The following CTNND2 variants were observed in gnomAD, a reference collection of about 807,000 sequenced individuals.
CTNND2 encodes the protein catenin delta 2.
A neutral mutation model predicts 144.4 loss-of-function variants in CTNND2; 22 were observed. That is an observed-to-expected ratio of 0.15 (90% CI 0.11 to 0.22). The LOEUF is 0.22. Among genes scored for constraint, CTNND2 ranks in the 10% least tolerant of loss-of-function variants. The pLI, the probability that CTNND2 is intolerant of heterozygous loss-of-function variation, is 1.00. For missense variants in CTNND2, 1,353 were observed against 1,618.8 expected (o/e 0.84, Z 2.82); for synonymous variants, 751 against 695.6 (o/e 1.08, Z -1.25).
rs146246283 is a variant in CTNND2 at position 11,367,846 on chromosome 5, T to C, written c.1178-2956A>G. Among the ~76,000 whole-genome samples the C allele has an allele frequency of 3.2e-3, 481 of 152,342 alleles. 2 individuals are homozygous for C. Among genetic ancestry groups the C allele is most frequent in the African/African-American group, 0.011 (457 of 41,580 alleles). On this transcript the variant is annotated intron_variant, in intron 7 of 21. Coordinates refer to ENST00000304623, the MANE Select transcript of CTNND2 (RefSeq NM_001332.4). ...CCACAGACCAGACCAACTTTCCTGA[T>C]GGTTTCCCCTGCCATGACAGACATA...
intron 3 of CTNND2, among the ~76,000 whole-genome samples, chr5:11,428,785 T>C (rs971749978): frequency 2.0e-5 from 3 of 152,202 alleles, no homozygotes; most frequent in African/African-American, 7.2e-5. Flanking sequence ...ACTTTCATCA[T>C]AAAGCATCAC....
chr5:11,489,163 C>T (rs918712214), intron 3 of CTNND2, among the ~76,000 whole-genome samples: 3 of 152,144 alleles, frequency 2.0e-5, no homozygotes, highest in African/African-American at 4.8e-5. Flanking sequence ...TGCATTCCCT[C>T]GAGCCATGTA....
At chr5:11,811,172 G>T (rs1202520993) in intron 1 of CTNND2, among the ~76,000 whole-genome samples, 5 of 152,168 alleles carry the variant, frequency 3.3e-5, no homozygotes, top group Non-Finnish European at 5.9e-5. Context: ...GGAATTGACT[G>T]CACTGCTAAG....
At chr5:11,382,595 CTGTGTGTGTG>C (rs71582432) in intron 7 of CTNND2, among the ~76,000 whole-genome samples, 3,185 of 130,204 alleles carry the variant, frequency 0.024, 67 homozygotes, top group East Asian at 0.052. Flanking sequence ...GAGTGAGACT[CTGTGTGTGTG>C]TGTGTGTGTG....
chr5:11,241,939 G>A lies in CTNND2; in HGVS notation c.1629-5116C>T, dbSNP rs185856768. Among the ~76,000 whole-genome samples, 212 of 151,878 alleles carry A rather than the reference G, an allele frequency of 1.4e-3. 2 individuals are homozygous for A. The highest frequency in any genetic ancestry group is 4.8e-3 in the African/African-American group (199 of 41,410). ...GTGGAGTCACCGGGGGTGGGGGGTC[G>A]GTTATTTGGGAAAGGGGAGCCATTC... On this transcript the variant is annotated intron_variant, in intron 9 of 21. Coordinates refer to ENST00000304623, the MANE Select transcript of CTNND2 (RefSeq NM_001332.4).
chr5:11,826,502 A>G (rs1793605715), intron 1 of CTNND2, among the ~76,000 whole-genome samples: 1 of 152,058 alleles, frequency 6.6e-6, no homozygotes, highest in African/African-American at 2.4e-5. Context: ...AACCCAAAAT[A>G]CAATAATCAC....
At chr5:11,512,552 G>T (rs751443140) in intron 3 of CTNND2, among the ~76,000 whole-genome samples, 2 of 152,220 alleles carry the variant, frequency 1.3e-5, no homozygotes, top group African/African-American at 4.8e-5. Context: ...TACATGGACT[G>T]AAAGTCACCA....
intron 1 of CTNND2, among the ~76,000 whole-genome samples, chr5:11,849,425 A>G (rs1045200509): frequency 3.3e-5 from 5 of 152,166 alleles, no homozygotes; most frequent in Non-Finnish European, 7.4e-5. Context: ...GTGGGGACGG[A>G]GCAAACCTCT....
At chr5:11,233,980 T>C (rs991880679) in intron 10 of CTNND2, among the ~76,000 whole-genome samples, 9 of 152,064 alleles carry the variant, frequency 5.9e-5, no homozygotes, top group African/African-American at 2.2e-4. Context: ...CCTGGGAACA[T>C]TATCATGGGG....
At chr5:11,107,344 T>C (rs943793271) in intron 14 of CTNND2, among the ~76,000 whole-genome samples, 1 of 152,236 alleles carries the variant, frequency 6.6e-6, no homozygotes, top group Admixed American at 6.5e-5. Flanking sequence ...GTGGTCATTT[T>C]AACTACTAAT....
intron 13 of CTNND2, among the ~76,000 whole-genome samples, chr5:11,111,846 A>T (rs979933861): frequency 3.3e-5 from 5 of 151,206 alleles, no homozygotes; most frequent in African/African-American, 1.2e-4. Context: ...CAGAAGGTCT[A>T]CATTTTTTTT....
At chr5:11,270,463 C>A (rs1475586933) in intron 9 of CTNND2, among the ~76,000 whole-genome samples, 10 of 131,230 alleles carry the variant, frequency 7.6e-5, no homozygotes, top group Non-Finnish European at 5.0e-5. Context: ...CAAAGGAAAA[C>A]AATGTGGTAA....
chr5:11,895,555 C>A (rs1282131990), intron 1 of CTNND2, among the ~76,000 whole-genome samples: 3 of 152,144 alleles, frequency 2.0e-5, no homozygotes, highest in Admixed American at 1.3e-4. Context: ...TGCTCCACTG[C>A]TGTATTTACT....
At chr5:11,139,282 A>C (rs1043995036) in intron 12 of CTNND2, among the ~76,000 whole-genome samples, 5 of 152,330 alleles carry the variant, frequency 3.3e-5, no homozygotes, top group African/African-American at 1.2e-4. Flanking sequence ...TTGATCTGGA[A>C]ACCAAAAGAG....
chr5:10,976,015 A>G (rs990058750), intron 21 of CTNND2, among the ~76,000 whole-genome samples: 3 of 152,194 alleles, frequency 2.0e-5, no homozygotes, highest in Non-Finnish European at 2.9e-5. Flanking sequence ...ATCCCACACC[A>G]ATCACTTCTG....
At chr5:11,202,839 T>C (rs1266269851) in intron 10 of CTNND2, among the ~76,000 whole-genome samples, 2 of 152,174 alleles carry the variant, frequency 1.3e-5, no homozygotes, top group Non-Finnish European at 2.9e-5. Context: ...AGTTTCGCTC[T>C]GGTTGCCCAG....
chr5:11,304,675 G>T (rs1749991631), intron 9 of CTNND2, among the ~76,000 whole-genome samples: 1 of 152,192 alleles, frequency 6.6e-6, no homozygotes, highest in Non-Finnish European at 1.5e-5. Context: ...CTAGCCACGT[G>T]GCAGCCCACT....
At chr5:11,692,095 A>AT (rs941335472) in intron 2 of CTNND2, among the ~76,000 whole-genome samples, 2 of 152,190 alleles carry the variant, frequency 1.3e-5, no homozygotes, top group Non-Finnish European at 2.9e-5. Flanking sequence ...CCATACATCT[A>AT]TTTTTTTCTG....
At chr5:11,889,730 C>T (rs1274012828) in intron 1 of CTNND2, among the ~76,000 whole-genome samples, 2 of 152,112 alleles carry the variant, frequency 1.3e-5, no homozygotes, top group African/African-American at 4.8e-5. Context: ...AAAGTAAACA[C>T]AGAATTACTA....
Sources: gnomAD v4.1 joint callset for allele counts (sites outside exome capture counted in the v4.1 genomes callset) on GRCh38, gnomAD v4.1.1 for gene constraint, MANE v1.5 for transcripts, NCBI Gene and HGNC (gene_info 2026-07-23, HGNC 2026-07-21) for gene names.